The following MREG variants were observed in gnomAD, a reference collection of about 807,000 sequenced individuals.
The protein encoded by MREG is dilute suppressor protein homolog.
Under a neutral mutation model 28.5 loss-of-function variants are expected in MREG, and 31 were observed. The ratio of observed to expected loss-of-function variants is 1.09; its 90% CI spans 0.82 to 1.47. The LOEUF (loss-of-function observed/expected upper bound fraction) is 1.47. Ranked by LOEUF, MREG falls within the 40% of genes most tolerant of loss-of-function variation. MREG has a pLI of 0.00. For missense variants in MREG, 256 were observed against 257.4 expected (o/e 0.99, Z 0.04); for synonymous variants, 106 against 95.2 (o/e 1.11, Z -0.66).
At chr2:216,021,782 C>T (rs1010095959) in intron 1 of MREG, among the ~76,000 whole-genome samples, 1 of 152,212 alleles carries the variant, frequency 6.6e-6, no homozygotes, top group African/African-American at 2.4e-5. Flanking sequence ...TAAACGTTAG[C>T]TGCAATTATT....
At position 215,974,852 on chromosome 2, in the gene MREG, A is replaced by ACACT. The variant is rs1553550318; in HGVS notation, c.255+21453_255+21454insAGTG. On this transcript the variant is annotated intron_variant, in intron 2 of 4. Transcript: ENST00000263268. ...CACACACACACACACACACACACAC[A>ACACT]CTCTCTCTCTCTCTCTCTCTCTCCC... Among the ~76,000 whole-genome samples, 490 of 107,580 alleles carry ACACT rather than the reference A, an allele frequency of 4.6e-3. 4 individuals are homozygous for ACACT. The highest frequency in any genetic ancestry group is 7.4e-3 in the Non-Finnish European group (370 of 50,188). 70.6% of individuals were successfully genotyped at this position (107,580 alleles called of 152,430 possible). A position where few individuals can be genotyped will look rare whatever the true frequency, so the allele number is the denominator to read the frequency against.
intron 2 of MREG, among the ~76,000 whole-genome samples, chr2:215,994,090 C>G (rs1195666368): frequency 6.6e-6 from 1 of 151,916 alleles, no homozygotes; most frequent in African/African-American, 2.4e-5. Context: ...ATAAATCATT[C>G]TACTATAAAG....
At chr2:215,961,332 G>A (rs1428813153) in intron 2 of MREG, among the ~76,000 whole-genome samples, 3 of 148,742 alleles carry the variant, frequency 2.0e-5, no homozygotes, top group South Asian at 2.2e-4. Flanking sequence ...GGTCAAACTC[G>A]GATGTAGGTA....
intron 1 of MREG, among the ~76,000 whole-genome samples, chr2:216,030,871 G>A (rs1694671805): frequency 6.7e-6 from 1 of 150,062 alleles, no homozygotes; most frequent in African/African-American, 2.5e-5. Flanking sequence ...AATTAATTCT[G>A]TGGGCAATTT....
intron 2 of MREG, among the ~76,000 whole-genome samples, chr2:215,951,929 C>T (rs1476508964): frequency 1.3e-5 from 2 of 152,206 alleles, no homozygotes; most frequent in Admixed American, 6.5e-5. Context: ...CCCATTTCCC[C>T]CACCCTCTAT....
At chr2:215,994,509 A>G (rs1345669352) in intron 2 of MREG, among the ~76,000 whole-genome samples, 1 of 151,640 alleles carries the variant, frequency 6.6e-6, no homozygotes, top group Non-Finnish European at 1.5e-5. Context: ...GTGTATACCT[A>G]TGTAACCTGC....
intron 1 of MREG, among the ~76,000 whole-genome samples, chr2:216,031,689 AAG>A (rs72410987): frequency 0.023 from 768 of 32,838 alleles, 13 homozygotes; most frequent in African/African-American, 0.075. Context: ...GAAAGAAAGA[AAG>A]AGAAAGAAAG....
At chr2:216,008,665 TCTC>T (rs1035101427) in intron 1 of MREG, among the ~76,000 whole-genome samples, 5 of 152,226 alleles carry the variant, frequency 3.3e-5, no homozygotes, top group African/African-American at 7.2e-5. Context: ...TAAAATAAAA[TCTC>T]AGTTTGCTCT....
intron 1 of MREG, among the ~76,000 whole-genome samples, chr2:216,007,253 A>G (rs1694178622): frequency 6.6e-6 from 1 of 152,106 alleles, no homozygotes; most frequent in South Asian, 2.1e-4. Flanking sequence ...TGATGTTTCC[A>G]AGGACATTCA....
In MREG at chr2:215,944,846, G is replaced by T. The variant is rs1692279319; in HGVS notation, c.*17C>A. The T allele has an allele frequency of 6.4e-7, 1 of 1,566,998 alleles. No individual in the cohort carries two copies. ...GTCCTCATGGAAGAATTCCCATTCTGCCCCTGAGCCTCTCCTTTAGGGACT... is the reference window on the plus strand; with the variant it reads ...GTCCTCATGGAAGAATTCCCATTCTTCCCCTGAGCCTCTCCTTTAGGGACT... On this transcript the variant is annotated 3_prime_UTR_variant, in exon 5 of 5. Coordinates refer to ENST00000263268, the MANE Select transcript of MREG (RefSeq NM_018000.3).
chr2:216,027,068 A>G (rs1292282090), intron 1 of MREG, among the ~76,000 whole-genome samples: 1 of 152,240 alleles, frequency 6.6e-6, no homozygotes, highest in Non-Finnish European at 1.5e-5. Context: ...TGAAATAAAA[A>G]TGATGTTTAG....
chr2:216,008,328 T>G (rs1169528419), intron 1 of MREG, among the ~76,000 whole-genome samples: 2 of 152,204 alleles, frequency 1.3e-5, no homozygotes, highest in East Asian at 1.9e-4. Context: ...TCAGGAAAAT[T>G]CAATTTGTAA....
At chr2:215,986,018 T>G (rs1263690763) in intron 2 of MREG, among the ~76,000 whole-genome samples, 1 of 152,244 alleles carries the variant, frequency 6.6e-6, no homozygotes, top group East Asian at 1.9e-4. Context: ...ACAATCCCCG[T>G]CTAGCTTCCC....
intron 1 of MREG, among the ~76,000 whole-genome samples, chr2:216,029,977 T>G (rs1380236891): frequency 2.0e-5 from 3 of 152,232 alleles, no homozygotes; most frequent in African/African-American, 7.2e-5. Flanking sequence ...CATGGGCTTC[T>G]CATATGCTAT....
intron 1 of MREG, among the ~76,000 whole-genome samples, chr2:216,006,249 G>C (rs368248770): frequency 6.6e-6 from 1 of 152,170 alleles, no homozygotes; most frequent in South Asian, 2.1e-4. Flanking sequence ...GTGGCTTGCC[G>C]GGGAAGAAAA....
At chr2:216,000,221 C>T (rs373330498) in intron 1 of MREG, among the ~76,000 whole-genome samples, 15 of 152,228 alleles carry the variant, frequency 9.9e-5, no homozygotes, top group Admixed American at 3.3e-4. Flanking sequence ...TACTGCAGTG[C>T]TTGACTTCTT....
intron 2 of MREG, among the ~76,000 whole-genome samples, chr2:215,985,462 T>C (rs1004029423): frequency 3.9e-5 from 6 of 152,216 alleles, no homozygotes; most frequent in African/African-American, 1.4e-4. Context: ...AAGGTCTGTT[T>C]TCCATCAGCT....
chr2:215,958,854 A>G (rs989981565), intron 2 of MREG, among the ~76,000 whole-genome samples: 1 of 152,140 alleles, frequency 6.6e-6, no homozygotes, highest in Non-Finnish European at 1.5e-5. Flanking sequence ...CTAGGTTTCT[A>G]TGGGAAAGGG....
At chr2:215,979,539 T>C (rs1693362070) in intron 2 of MREG, among the ~76,000 whole-genome samples, 2 of 151,012 alleles carry the variant, frequency 1.3e-5, no homozygotes, top group Non-Finnish European at 2.9e-5. Flanking sequence ...TATTCAATTA[T>C]CTGCCCTAAA....
Sources: gnomAD v4.1 joint callset for allele counts (sites outside exome capture counted in the v4.1 genomes callset) on GRCh38, gnomAD v4.1.1 for gene constraint, MANE v1.5 for transcripts, NCBI Gene and HGNC (gene_info 2026-07-23, HGNC 2026-07-21) for gene names.